Variants in MYO9A observed in about 807,000 individuals in gnomAD.
MYO9A encodes the protein myosin IXA, also known as unconventional myosin-IXa.
Under a neutral mutation model 293.3 loss-of-function variants are expected in MYO9A, and 103 were observed. The observed-to-expected ratio is 0.35, with a 90% CI of 0.30 to 0.41. The LOEUF (loss-of-function observed/expected upper bound fraction) is 0.41, where lower values mean the gene tolerates loss of function less well. Among genes scored for constraint, MYO9A ranks in the 10% least tolerant of loss-of-function variants. The pLI is 1.00. For missense variants in MYO9A, 2,685 were observed against 3,033.0 expected (o/e 0.89, Z 2.69); for synonymous variants, 1,001 against 1,035.7 (o/e 0.97, Z 0.64).
intron 9 of MYO9A, 69 bp from the exon 10 acceptor site, chr15:71,994,654 T>C (rs79934816): frequency 0.044 from 37,276 of 838,772 alleles, 1,071 homozygotes; most frequent in South Asian, 0.082. Context: ...CAAAGTTGTT[T>C]GCTCCCATTC....
rs1159987320 is a variant in MYO9A at position 71,852,362 on chromosome 15, CT to C, written c.6347-103del. On this transcript the variant is annotated intron_variant, in intron 35 of 41. Transcript: ENST00000356056. ...ATCATTAAAGGAAGGCTTCATGTTT[CT>C]TTTTTTTTTTTTTTTTTGAGATGGA... is the stretch of plus-strand genomic sequence containing the variant. 0.21 allele frequency: 130,531 copies of C among 607,286 alleles called. 294 individuals are homozygous for C. The highest frequency in any genetic ancestry group is 0.24 in the South Asian group (7,858 of 33,358). 37.6% of individuals were successfully genotyped at this position (607,286 alleles called of 1,614,324 possible).
intron 1 of MYO9A, among the ~76,000 whole-genome samples, chr15:72,112,882 CTGAGCTAT>C (rs2080831739): frequency 1.3e-5 from 2 of 152,132 alleles, no homozygotes; most frequent in South Asian, 4.1e-4. Context: ...TGAAAATTCA[CTGAGCTAT>C]ATATTTACCA....
intron 32 of MYO9A, among the ~76,000 whole-genome samples, chr15:71,870,271 GTAAT>G (rs2056466516): frequency 1.3e-5 from 2 of 151,832 alleles, no homozygotes; most frequent in South Asian, 4.2e-4. Context: ...AAAGAAAGGA[GTAAT>G]TAAATGGTTC....
At chr15:72,033,016 A>ATT (rs1273141553) in intron 2 of MYO9A, among the ~76,000 whole-genome samples, 4 of 151,844 alleles carry the variant, frequency 2.6e-5, no homozygotes, top group African/African-American at 9.7e-5. Context: ...AAGCCTGGCT[A>ATT]TTTTTTTGTA....
At chr15:71,985,896 T>C (rs1202641761) in intron 11 of MYO9A, among the ~76,000 whole-genome samples, 1 of 152,198 alleles carries the variant, frequency 6.6e-6, no homozygotes, top group East Asian at 1.9e-4. Flanking sequence ...TCAAATAAGA[T>C]CCCTGCACTC....
chr15:71,880,271 T>A, intron 29 of MYO9A, 64 bp downstream of exon 29: 5 of 1,316,102 alleles, frequency 3.8e-6, no homozygotes, highest in Non-Finnish European at 5.5e-6. Context: ...GAGTATATCC[T>A]GATATACACA....
intron 1 of MYO9A, among the ~76,000 whole-genome samples, chr15:72,074,745 A>G: frequency 6.6e-6 from 1 of 152,202 alleles, no homozygotes; most frequent in Admixed American, 6.5e-5. Flanking sequence ...GAACTTAGCT[A>G]AACTTAAATC....
In MYO9A at chr15:71,978,163, A is replaced by G. The variant is rs772120906; in HGVS notation, c.1844+8T>C. The stretch of plus-strand genomic sequence containing the variant: ...GCCAATAACAAAATTGAAAAGAATC[A>G]CACTCACTTGCTTTCTTCATCCAAA... On this transcript the variant is annotated splice_region_variant and intron_variant, in intron 12 of 41. Transcript: ENST00000356056. 6.2e-7 allele frequency: 1 copy of G among 1,610,276 alleles called. No individual in the cohort carries two copies. Among genetic ancestry groups the G allele is most frequent in the Non-Finnish European group, 8.5e-7 (1 of 1,179,050 alleles).
chr15:72,049,906 C>A (rs927312476), intron 1 of MYO9A, among the ~76,000 whole-genome samples: 1 of 152,184 alleles, frequency 6.6e-6, no homozygotes, highest in Non-Finnish European at 1.5e-5. Context: ...ACAATCTAAT[C>A]CCTAAAGTTG....
chr15:72,003,555 T>A (rs1271171608), intron 8 of MYO9A, among the ~76,000 whole-genome samples: 1 of 150,948 alleles, frequency 6.6e-6, no homozygotes, highest in Non-Finnish European at 1.5e-5. Context: ...AAAAAAAAAA[T>A]TAGCCGGACA....
At chr15:71,954,608 A>G (rs2059135984) in intron 14 of MYO9A, among the ~76,000 whole-genome samples, 1 of 152,246 alleles carries the variant, frequency 6.6e-6, no homozygotes, top group South Asian at 2.1e-4. Flanking sequence ...CACCAAACAC[A>G]TAGTATAAAT....
chr15:71,850,518 A>G (rs879724148), intron 37 of MYO9A, among the ~76,000 whole-genome samples: 5 of 152,116 alleles, frequency 3.3e-5, no homozygotes, highest in Non-Finnish European at 7.4e-5. Flanking sequence ...GTAATCCAGC[A>G]CTTTGGGAGG....
intron 11 of MYO9A, among the ~76,000 whole-genome samples, chr15:71,981,641 G>GTCTCTCTCTATCTCTC (rs2076274906): frequency 6.9e-6 from 1 of 144,396 alleles, no homozygotes; most frequent in Non-Finnish European, 1.5e-5. Flanking sequence ...TCTCTGTCTT[G>GTCTCTCTCTATCTCTC]TCTCTCTCTC....
chr15:71,836,818 T>A (rs148959693), intron 39 of MYO9A, among the ~76,000 whole-genome samples: 223 of 152,130 alleles, frequency 1.5e-3, no homozygotes, highest in African/African-American at 4.7e-3. Context: ...AGTAAGTCAT[T>A]AATGTAAAAA....
intron 6 of MYO9A, among the ~76,000 whole-genome samples, chr15:72,010,805 G>T (rs528086695): frequency 1.3e-5 from 2 of 152,092 alleles, no homozygotes; most frequent in South Asian, 4.2e-4. Context: ...AAGCATTTAC[G>T]GGCGCTCAAT....
intron 19 of MYO9A, among the ~76,000 whole-genome samples, chr15:71,913,845 A>G (rs929975902): frequency 6.6e-6 from 1 of 150,982 alleles, no homozygotes; most frequent in Non-Finnish European, 1.5e-5. Context: ...TTGCTAAAAC[A>G]TTGTCTTTCT....
intron 19 of MYO9A, among the ~76,000 whole-genome samples, chr15:71,907,735 AT>A (rs1171502280): frequency 2.4e-4 from 37 of 151,920 alleles, no homozygotes; most frequent in African/African-American, 8.9e-4. Context: ...GGCTGCATAA[AT>A]GTCTTCTTTT....
At chr15:71,939,269 T>C (rs564124694) in intron 15 of MYO9A, among the ~76,000 whole-genome samples, 1 of 152,266 alleles carries the variant, frequency 6.6e-6, no homozygotes, top group East Asian at 1.9e-4. Context: ...GGTAAACTCA[T>C]GTAACGGGGG....
chr15:72,078,442 A>G (rs1275965886), intron 1 of MYO9A, among the ~76,000 whole-genome samples: 1 of 152,174 alleles, frequency 6.6e-6, no homozygotes, highest in Non-Finnish European at 1.5e-5. Flanking sequence ...GAGTGAGCCC[A>G]GATCATACCA....
Sources: allele counts gnomAD v4.1 joint callset (sites outside exome capture counted in the v4.1 genomes callset), GRCh38; gene constraint gnomAD v4.1.1; transcripts MANE v1.5; gene names NCBI Gene and HGNC (gene_info 2026-07-23, HGNC 2026-07-21).